Variants in GABRA2 observed in about 807,000 individuals in gnomAD.
GABRA2 encodes the protein gamma-aminobutyric acid type A receptor subunit alpha2, also known as gamma-aminobutyric acid receptor subunit alpha-2.
A neutral mutation model predicts 48.7 loss-of-function variants in GABRA2; 16 were observed. The observed-to-expected ratio is 0.33, with a 90% CI of 0.22 to 0.50. GABRA2 has a LOEUF of 0.50. GABRA2 is among the 20% of genes least tolerant of loss of function. The probability of loss-of-function intolerance (pLI) is 0.98; values close to 1 mark genes in which losing one functional copy is unlikely to be tolerated. For synonymous variants in GABRA2, 185 were observed against 184.5 expected, an observed-to-expected ratio of 1.00 and a Z score of -0.02; for missense variants, 275 against 535.6, an observed-to-expected ratio of 0.51 and a Z score of 4.80.
chr4:46,303,181 A>G (rs530075844), intron 8 of GABRA2: 1 of 336,390 alleles, frequency 3.0e-6, no homozygotes. Flanking sequence ...CACCTTGTGT[A>G]AATATAGTAC....
intron 9 of GABRA2, chr4:46,261,374 C>A (rs526805): frequency 0.59 from 90,164 of 153,438 alleles, 26,784 homozygotes; most frequent in South Asian, 0.76. Flanking sequence ...CTTTTACAAT[C>A]AATCAGCAGA....
chr4:46,378,376 C>G (rs1716267176), intron 3 of GABRA2, among the ~76,000 whole-genome samples: 1 of 152,054 alleles, frequency 6.6e-6, no homozygotes, highest in Non-Finnish European at 1.5e-5. Context: ...CCTGTGCTAT[C>G]TGAAACATGT....
At chr4:46,270,204 GA>G (rs536306469) in intron 8 of GABRA2, among the ~76,000 whole-genome samples, 2 of 151,840 alleles carry the variant, frequency 1.3e-5, no homozygotes, top group Non-Finnish European at 2.9e-5. Context: ...TCTTTCATCT[GA>G]TTTTGGAAAT....
At chr4:46,310,118 C>T in intron 6 of GABRA2, 55 bp downstream of exon 6, 2 of 1,295,784 alleles carry the variant, frequency 1.5e-6, no homozygotes, top group Non-Finnish European at 1.1e-6. Context: ...AGCAGTGCTG[C>T]TGACTTTCCC....
chr4:46,343,131 T>C (rs982664577), intron 3 of GABRA2, among the ~76,000 whole-genome samples: 1 of 151,984 alleles, frequency 6.6e-6, no homozygotes, highest in South Asian at 2.1e-4. Context: ...CCATCCCCAA[T>C]ACTTTAGATC....
At chr4:46,322,000 C>T (rs1439657475) in intron 4 of GABRA2, among the ~76,000 whole-genome samples, 2 of 152,006 alleles carry the variant, frequency 1.3e-5, no homozygotes, top group Admixed American at 1.3e-4. Context: ...AGTATTCATC[C>T]ACCAACCATA....
chr4:46,371,717 T>G (rs937559296), intron 3 of GABRA2, among the ~76,000 whole-genome samples: 2 of 152,156 alleles, frequency 1.3e-5, no homozygotes, highest in African/African-American at 4.8e-5. Flanking sequence ...TTACGAACAA[T>G]TTTGTAAAAG....
intron 2 of GABRA2, among the ~76,000 whole-genome samples, chr4:46,387,973 A>G (rs1336117686): frequency 6.6e-6 from 1 of 152,176 alleles, no homozygotes; most frequent in Non-Finnish European, 1.5e-5. Context: ...AGTTACTGAA[A>G]GCAATAAAAA....
rs1713791410 is a variant in GABRA2, at chr4:46,364,818, C to T, written c.187+21256G>A. 4 of 152,164 alleles carry T rather than the reference C, an allele frequency of 2.6e-5. No individual in the cohort carries two copies. In the South Asian group the frequency reaches 8.3e-4, roughly 32 times the overall value. The allele number at this position is 152,164 out of a possible 1,614,324, so 9.4% of individuals were successfully genotyped here. Reference sequence around the variant, plus strand: ...GATAATGTCCCTTTCTTAAAGTCAACTGTGCCATATAACAAAAACTAATCA... The same window carrying T: ...GATAATGTCCCTTTCTTAAAGTCAATTGTGCCATATAACAAAAACTAATCA... On this transcript the variant is annotated intron_variant, in intron 3 of 9. Transcript: ENST00000381620.
rs908233661 is a variant in GABRA2, at chr4:46,389,946, G to A, written c.-222C>T. ...GCGCTAGGAGCCGCGGCGGCGGCGC[G>A]AGGTGTAGAAGGAGGCGAAGGCGTT... On this transcript the variant is annotated 5_prime_UTR_variant, in exon 1 of 10. Transcript: ENST00000381620. The A allele has an allele frequency of 2.0e-6, 2 of 988,432 alleles. No individual in the cohort carries two copies. The highest frequency in any genetic ancestry group is 5.1e-4 in the Middle Eastern group (1 of 1,962). 61.2% of individuals were successfully genotyped at this position (988,432 alleles called of 1,614,324 possible).
rs1713971191 is a variant in GABRA2 at position 46,247,722 on chromosome 4, A to G, written c.*2586T>C. On this transcript the variant is annotated 3_prime_UTR_variant, in exon 10 of 10. Transcript: ENST00000381620. ...TTGTGATAAATTAAAATCCTTTTAAATTTGTTTTTAAATTGGTTCATGGAA... is the reference window on the plus strand; with the variant it reads ...TTGTGATAAATTAAAATCCTTTTAAGTTTGTTTTTAAATTGGTTCATGGAA... Among the ~76,000 whole-genome samples, 1 of 151,276 alleles carries G rather than the reference A, an allele frequency of 6.6e-6. No homozygotes were observed. The highest frequency in any genetic ancestry group is 1.5e-5 in the Non-Finnish European group (1 of 67,512).
At chr4:46,369,506 G>C (rs892998067) in intron 3 of GABRA2, among the ~76,000 whole-genome samples, 8 of 151,812 alleles carry the variant, frequency 5.3e-5, no homozygotes, top group African/African-American at 1.9e-4. Context: ...CTTGCAGCTT[G>C]ACAAATACAG....
chr4:46,325,559 T>C (rs1730209518), intron 4 of GABRA2, among the ~76,000 whole-genome samples: 1 of 152,046 alleles, frequency 6.6e-6, no homozygotes, highest in African/African-American at 2.4e-5. Flanking sequence ...CCCTTTCCCA[T>C]GAAGAAGCTT....
At chr4:46,327,855 C>A (rs1353566158) in intron 4 of GABRA2, among the ~76,000 whole-genome samples, 1 of 152,030 alleles carries the variant, frequency 6.6e-6, no homozygotes, top group African/African-American at 2.4e-5. Flanking sequence ...TTCAAGATTA[C>A]TTCAAAGTTT....
chr4:46,296,154 T>C (rs1367495001), intron 8 of GABRA2, among the ~76,000 whole-genome samples: 1 of 152,152 alleles, frequency 6.6e-6, no homozygotes, highest in Non-Finnish European at 1.5e-5. Context: ...AATCAGCATC[T>C]CATATATGAT....
At chr4:46,369,019 A>G in intron 3 of GABRA2, 1 of 700,388 alleles carries the variant, frequency 1.4e-6, no homozygotes, top group East Asian at 2.7e-5. Context: ...GGGAAAGAAG[A>G]AAGCTATTAA....
intron 8 of GABRA2, among the ~76,000 whole-genome samples, chr4:46,291,476 A>C (rs2350773): frequency 0.38 from 57,479 of 151,886 alleles, 11,568 homozygotes; most frequent in East Asian, 0.52. Flanking sequence ...GGAGATTAAC[A>C]TTTGAGTCAG....
intron 4 of GABRA2, among the ~76,000 whole-genome samples, chr4:46,320,783 T>C (rs1424637826): frequency 6.6e-6 from 1 of 151,740 alleles, no homozygotes; most frequent in Admixed American, 6.6e-5. Flanking sequence ...AGGGAATCCA[T>C]GTACACTGTT....
intron 7 of GABRA2, among the ~76,000 whole-genome samples, chr4:46,304,149 C>A (rs1726225275): frequency 6.6e-6 from 1 of 152,248 alleles, no homozygotes; most frequent in African/African-American, 2.4e-5. Flanking sequence ...ATGCTCTCTG[C>A]CAACAGTTTA....
Sources: gnomAD v4.1 joint callset for allele counts (sites outside exome capture counted in the v4.1 genomes callset) on GRCh38, gnomAD v4.1.1 for gene constraint, MANE v1.5 for transcripts, NCBI Gene and HGNC (gene_info 2026-07-23, HGNC 2026-07-21) for gene names.